The following TNFSF10 variants were observed in gnomAD, a reference collection of about 807,000 sequenced individuals.
TNFSF10 encodes the protein TNF superfamily member 10, also known as tumor necrosis factor ligand superfamily member 10.
Under a neutral mutation model 29.5 loss-of-function variants are expected in TNFSF10, and 13 were observed. That is an observed-to-expected ratio of 0.44 (90% CI 0.29 to 0.70). The LOEUF is 0.70. TNFSF10 is among the 30% of genes least tolerant of loss of function. The pLI, the probability that TNFSF10 is intolerant of heterozygous loss-of-function variation, is 0.13. For synonymous variants in TNFSF10, 111 were observed against 112.8 expected, an observed-to-expected ratio of 0.98 and a Z score of 0.10; for missense variants, 345 against 330.9, an observed-to-expected ratio of 1.04 and a Z score of -0.33.
chr3:172,506,545 A>C lies in TNFSF10; in HGVS notation c.793T>G (p.Leu265Val). The C allele has an allele frequency of 6.2e-7, 1 of 1,614,064 alleles. No individual in the cohort carries two copies. The highest frequency in any genetic ancestry group is 8.5e-7 in the Non-Finnish European group (1 of 1,179,982). Residue 265 changes from leucine to valine, a missense_variant, in exon 5 of 5, where the codon TTG becomes GTG. Physicochemically the swap from Leu to Val is conservative, Grantham distance 32. Transcript: ENST00000241261. Reference protein sequence around the residue: ...RIFVSVTNEHLIDMDHEASFF... With the variant: ...RIFVSVTNEHVIDMDHEASFF... ...CTGGCTTCATGGTCCATGTCTATCA[A>C]GTGCTCATTTGTTACAGAAACAAAA...
chr3:172,508,430 A>G (rs1713084389), intron 4 of TNFSF10, among the ~76,000 whole-genome samples: 1 of 152,232 alleles, frequency 6.6e-6, no homozygotes, highest in South Asian at 2.1e-4. Context: ...TTGTGTAAGT[A>G]AAATATGGTC....
chr3:172,518,669 G>A (rs1040001068), intron 1 of TNFSF10, among the ~76,000 whole-genome samples: 2 of 152,232 alleles, frequency 1.3e-5, no homozygotes, highest in Non-Finnish European at 2.9e-5. Flanking sequence ...CCAATCCAAT[G>A]TTATGAAGCC....
At chr3:172,511,749 C>A (rs1713234775) in intron 2 of TNFSF10, 90 bp from the exon 3 acceptor site, 1 of 1,148,122 alleles carries the variant, frequency 8.7e-7, no homozygotes, top group Non-Finnish European at 1.3e-6. Flanking sequence ...TGATGTCTAA[C>A]AGGAAATTTC....
Position 172,514,971 on chromosome 3 carries a change from T to C in TNFSF10, c.160A>G (p.Ile54Val), listed in dbSNP as rs890898358. ...QMQDKYSKSG[I>V]ACFLKEDDSY... ...TCATCTTCTTTTAAGAAACAAGCAA[T>C]GCCACTTTTGGAGTACTTGTCCTGC... Residue 54 changes from isoleucine to valine, a missense_variant, in exon 2 of 5, where the codon ATT becomes GTT. Ile to Val is a conservative substitution (Grantham distance 29). Coordinates refer to ENST00000241261, the MANE Select transcript of TNFSF10 (RefSeq NM_003810.4). 6.2e-7 allele frequency: 1 copy of C among 1,614,150 alleles called. No homozygotes were observed. The highest frequency in any genetic ancestry group is 1.3e-5 in the African/African-American group (1 of 75,034).
chr3:172,522,563 T>TA, intron 1 of TNFSF10: 1 of 511,384 alleles, frequency 2.0e-6, no homozygotes, highest in East Asian at 3.7e-5. Flanking sequence ...CTCTTTTATT[T>TA]ATTCATGGCT....
intron 1 of TNFSF10, among the ~76,000 whole-genome samples, chr3:172,518,719 T>A (rs985159538): frequency 1.3e-5 from 2 of 152,206 alleles, no homozygotes; most frequent in African/African-American, 4.8e-5. Context: ...GCAGAGTGTA[T>A]CTTCTGCAAA....
chr3:172,515,039 G>C, intron 1 of TNFSF10, 41 bp from the exon 2 acceptor site: 1 of 1,610,582 alleles, frequency 6.2e-7, no homozygotes, highest in Non-Finnish European at 8.5e-7. Flanking sequence ...TTGCATAAGT[G>C]CTTTTTATTT....
rs778175343 is a variant in TNFSF10, at chr3:172,518,484, A to T, written c.133-3486T>A. On this transcript the variant is annotated intron_variant, in intron 1 of 4. Transcript: ENST00000241261. ...CTGCAAACTGCAAATAGCATAAAGG[A>T]TCATTTATGGAGATCCGTGGAGAGG... is the stretch of plus-strand genomic sequence containing the variant. The T allele has an allele frequency of 2.4e-5, 31 of 1,286,538 alleles. No individual in the cohort carries two copies. The African/African-American group carries it at 4.3e-4, about 18-fold the overall frequency. The allele number at this position is 1,286,538 out of a possible 1,614,324, so 79.7% of individuals were successfully genotyped here.
chr3:172,509,023 T>C, intron 4 of TNFSF10, 194 bp downstream of exon 4: 1 of 391,850 alleles, frequency 2.6e-6, no homozygotes, highest in East Asian at 4.1e-5. Context: ...CTGAGGCCAG[T>C]TATGTCGTGG....
chr3:172,510,847 G>C (rs1160004602), intron 3 of TNFSF10, among the ~76,000 whole-genome samples: 1 of 152,106 alleles, frequency 6.6e-6, no homozygotes, highest in Non-Finnish European at 1.5e-5. Flanking sequence ...GGGGTGCCAA[G>C]TGATGAAGAA....
rs1176132199 is a variant in TNFSF10, at chr3:172,515,026, A to G, written c.133-28T>C. On this transcript the variant is annotated intron_variant, in intron 1 of 4. Coordinates refer to ENST00000241261, the MANE Select transcript of TNFSF10 (RefSeq NM_003810.4). ...GGGTTGAGATGGAATATAACACAATATTTTGCATAAGTGCTTTTTATTTTT... is the reference window on the plus strand; with the variant it reads ...GGGTTGAGATGGAATATAACACAATGTTTTGCATAAGTGCTTTTTATTTTT... 7.4e-6 allele frequency: 12 copies of G among 1,612,986 alleles called. No individual in the cohort carries two copies. In the Admixed American group the frequency reaches 2.0e-4, roughly 27 times the overall value.
In TNFSF10 at chr3:172,511,326, A is replaced by C. The variant is rs1004528130; in HGVS notation, c.313+291T>G. On this transcript the variant is annotated intron_variant, in intron 3 of 4. Coordinates refer to ENST00000241261, the MANE Select transcript of TNFSF10 (RefSeq NM_003810.4). ...AGATGGCTTCTTTGTAACACATTAGAAGGTAGAAACTAATAAGTGAAGAAA... is the reference window on the plus strand; with the variant it reads ...AGATGGCTTCTTTGTAACACATTAGCAGGTAGAAACTAATAAGTGAAGAAA... 9 of 264,634 alleles carry C rather than the reference A, an allele frequency of 3.4e-5. No homozygotes were observed. In the South Asian group the frequency reaches 5.8e-4, roughly 17 times the overall value. 16.4% of individuals were successfully genotyped at this position (264,634 alleles called of 1,614,324 possible).
intron 3 of TNFSF10, among the ~76,000 whole-genome samples, chr3:172,511,115 G>T (rs143520614): frequency 6.6e-6 from 1 of 152,286 alleles, no homozygotes; most frequent in East Asian, 1.9e-4. Flanking sequence ...GAACAAGAGG[G>T]TGGTGTGGCC....
At chr3:172,518,516 T>G in intron 1 of TNFSF10, 1 of 1,244,358 alleles carries the variant, frequency 8.0e-7, no homozygotes, top group Non-Finnish European at 1.1e-6. Flanking sequence ...GAGGAAGCCC[T>G]TCTCCTTTTT....
At position 172,506,725 on chromosome 3, in the gene TNFSF10, GT is replaced by G. The variant is rs757584832; in HGVS notation, c.612del (p.Lys204AsnfsTer19). ...EEIKENTKND[K>X]QMVQYIYKYT... ...TATTTGTAAATATATTGGACCATTT[GT>G]TTGTCGTTCTTTGTGTTTTCTTTTA... On this transcript the variant is annotated frameshift_variant, in exon 5 of 5. Transcript: ENST00000241261. LOFTEE classifies it high-confidence loss of function. 2 of 1,614,150 alleles carry G rather than the reference GT, an allele frequency of 1.2e-6. No homozygotes were observed. Among genetic ancestry groups the G allele is most frequent in the Non-Finnish European group, 1.7e-6 (2 of 1,180,022 alleles).
chr3:172,507,391 C>T (rs1713031972), intron 4 of TNFSF10: 1 of 153,294 alleles, frequency 6.5e-6, no homozygotes, highest in African/African-American at 2.4e-5. Context: ...CTCTTTGGGT[C>T]CCCCCTTGAT....
chr3:172,505,647 CAATA>C lies in TNFSF10; in HGVS notation c.*841_*844del, dbSNP rs1237478936. The C allele has an allele frequency of 6.6e-6, 1 of 150,404 alleles. No homozygotes were observed. The highest frequency in any genetic ancestry group is 1.5e-5 in the Non-Finnish European group (1 of 67,664). 9.3% of individuals were successfully genotyped at this position (150,404 alleles called of 1,614,324 possible). On this transcript the variant is annotated 3_prime_UTR_variant, in exon 5 of 5. Coordinates refer to ENST00000241261, the MANE Select transcript of TNFSF10 (RefSeq NM_003810.4). ...CAAGTGAGTACTAAAACAAAAACAA[CAATA>C]AATATGAGCACTACAGCAAACATGA...
At chr3:172,515,071 C>T (rs1713376341) in intron 1 of TNFSF10, 73 bp from the exon 2 acceptor site, 1 of 1,586,960 alleles carries the variant, frequency 6.3e-7, no homozygotes, top group African/African-American at 1.4e-5. Context: ...GAAGTTAAGA[C>T]AACAGAAACT....
At chr3:172,512,080 A>T (rs943701973) in intron 2 of TNFSF10, among the ~76,000 whole-genome samples, 1 of 152,182 alleles carries the variant, frequency 6.6e-6, no homozygotes. Context: ...ACTGGGTAGC[A>T]GAGCCCAGGG....
Sources: allele counts gnomAD v4.1 joint callset (sites outside exome capture counted in the v4.1 genomes callset), GRCh38; gene constraint gnomAD v4.1.1; transcripts MANE v1.5; gene names NCBI Gene and HGNC (gene_info 2026-07-23, HGNC 2026-07-21).